SEMA5A: variants seen among roughly 807,000 people sequenced by gnomAD.
SEMA5A encodes semaphorin 5A, also known as semaphorin-5A.
In SEMA5A, 55 loss-of-function variants were observed where a neutral mutation model predicts 135.5. The observed-to-expected ratio is 0.41, with a 90% CI of 0.33 to 0.51. The LOEUF (loss-of-function observed/expected upper bound fraction) is 0.51. SEMA5A is among the 20% of genes least tolerant of loss of function. The probability of loss-of-function intolerance (pLI) is 0.37; values close to 1 mark genes in which losing one functional copy is unlikely to be tolerated. For missense variants in SEMA5A, 1,290 were observed against 1,419.9 expected, an observed-to-expected ratio of 0.91 and a Z score of 1.47; for synonymous variants, 580 against 546.5, an observed-to-expected ratio of 1.06 and a Z score of -0.85.
rs560149738 is a variant in SEMA5A, at chr5:9,241,677, G to A, written c.271-3787C>T. 3.9e-5 allele frequency among the ~76,000 whole-genome samples: 6 copies of A among 152,040 alleles called. No individual in the cohort carries two copies. The South Asian group carries it at 8.3e-4, about 21-fold the overall frequency. On this transcript the variant is annotated intron_variant, in intron 5 of 22. Coordinates refer to ENST00000382496, the MANE Select transcript of SEMA5A (RefSeq NM_003966.3). Reference sequence around the variant, plus strand: ...TTCAAGGTACAGCATCCATTGGACCGTGTTGCACACAGACATACTACGGTT... The same window carrying A: ...TTCAAGGTACAGCATCCATTGGACCATGTTGCACACAGACATACTACGGTT...
chr5:9,191,796 G>A (rs116622733), intron 10 of SEMA5A, among the ~76,000 whole-genome samples: 1,766 of 151,974 alleles, frequency 0.012, 40 homozygotes, highest in African/African-American at 0.041. Flanking sequence ...CACAGGCAAG[G>A]ACTGTGTGAG....
intron 21 of SEMA5A, among the ~76,000 whole-genome samples, chr5:9,045,544 T>C (rs1234683010): frequency 6.6e-6 from 1 of 152,216 alleles, no homozygotes; most frequent in Non-Finnish European, 1.5e-5. Flanking sequence ...GTAACTATTA[T>C]AAGCACTTTC....
At chr5:9,339,218 T>C (rs1176135939) in intron 3 of SEMA5A, among the ~76,000 whole-genome samples, 1 of 152,184 alleles carries the variant, frequency 6.6e-6, no homozygotes, top group Non-Finnish European at 1.5e-5. Flanking sequence ...AAACAGGGTG[T>C]CTATCAATGC....
chr5:9,182,026 C>G (rs1486401435), intron 11 of SEMA5A, among the ~76,000 whole-genome samples: 1 of 152,116 alleles, frequency 6.6e-6, no homozygotes, highest in Non-Finnish European at 1.5e-5. Flanking sequence ...TTTAATGGAC[C>G]TGTTTCTCTC....
At chr5:9,163,077 A>T (rs934166689) in intron 11 of SEMA5A, among the ~76,000 whole-genome samples, 23 of 152,176 alleles carry the variant, frequency 1.5e-4, no homozygotes, top group Admixed American at 1.4e-3. Flanking sequence ...GAAAAGATGC[A>T]GCTGTGATGT....
chr5:9,080,737 T>G (rs1738333292), intron 16 of SEMA5A, among the ~76,000 whole-genome samples: 1 of 152,124 alleles, frequency 6.6e-6, no homozygotes, highest in Non-Finnish European at 1.5e-5. Context: ...CAGTCCTGCT[T>G]AGAGCCTTCA....
chr5:9,514,048 A>T (rs1736368578), intron 1 of SEMA5A, among the ~76,000 whole-genome samples: 1 of 152,170 alleles, frequency 6.6e-6, no homozygotes, highest in Non-Finnish European at 1.5e-5. Flanking sequence ...TGGAGGCTAT[A>T]GAGGAGAATC....
At chr5:9,226,456 T>G (rs894268815) in intron 7 of SEMA5A, among the ~76,000 whole-genome samples, 5 of 152,180 alleles carry the variant, frequency 3.3e-5, no homozygotes, top group Admixed American at 3.3e-4. Flanking sequence ...TTATCCAATT[T>G]GTAGGCTAAT....
At chr5:9,320,821 G>A (rs1040176727) in intron 4 of SEMA5A, among the ~76,000 whole-genome samples, 13 of 152,144 alleles carry the variant, frequency 8.5e-5, no homozygotes, top group South Asian at 2.1e-4. Flanking sequence ...AGGGTGACTC[G>A]CATTTCAACA....
chr5:9,508,290 C>T (rs1165718688), intron 1 of SEMA5A, among the ~76,000 whole-genome samples: 1 of 152,140 alleles, frequency 6.6e-6, no homozygotes, highest in Admixed American at 6.5e-5. Flanking sequence ...AAGCCCCCAC[C>T]ACCACCGCAT....
intron 3 of SEMA5A, among the ~76,000 whole-genome samples, chr5:9,348,446 C>T (rs1753972304): frequency 6.6e-6 from 1 of 152,158 alleles, no homozygotes; most frequent in African/African-American, 2.4e-5. Flanking sequence ...CTTTGTCCTT[C>T]AGGCTATGAA....
At chr5:9,108,310 A>G in intron 15 of SEMA5A, 23 bp from the exon 16 acceptor site, 1 of 1,612,272 alleles carries the variant, frequency 6.2e-7, no homozygotes, top group Non-Finnish European at 8.5e-7. Flanking sequence ...AACCAAAATG[A>G]CAAGGAAACT....
chr5:9,479,612 G>A (rs886905104), intron 1 of SEMA5A, among the ~76,000 whole-genome samples: 3 of 152,194 alleles, frequency 2.0e-5, no homozygotes, highest in Non-Finnish European at 4.4e-5. Context: ...ATCCAGAAAC[G>A]GAAGTGGTTA....
intron 16 of SEMA5A, among the ~76,000 whole-genome samples, chr5:9,088,653 T>TAG (rs1738853060): frequency 9.0e-6 from 1 of 111,386 alleles, no homozygotes. Flanking sequence ...TATATATATA[T>TAG]ATATATACAC....
chr5:9,190,151 C>G, intron 11 of SEMA5A, 116 bp downstream of exon 11: 1 of 1,116,170 alleles, frequency 9.0e-7, no homozygotes. Context: ...TTGCTGGTTG[C>G]AAAAAGAGAC....
intron 16 of SEMA5A, among the ~76,000 whole-genome samples, chr5:9,079,911 G>A (rs1359362753): frequency 6.6e-6 from 1 of 152,228 alleles, no homozygotes; most frequent in African/African-American, 2.4e-5. Context: ...ATGCTAGAGA[G>A]GATGTGGAGA....
intron 5 of SEMA5A, among the ~76,000 whole-genome samples, chr5:9,256,742 G>C (rs141446252): frequency 6.6e-6 from 1 of 152,178 alleles, no homozygotes; most frequent in African/African-American, 2.4e-5. Flanking sequence ...GATTAAATAT[G>C]TGCTGAAGGA....
Position 9,108,291 on chromosome 5 carries a change from T to A in SEMA5A, c.1926-4A>T. The A allele has an allele frequency of 6.2e-7, 1 of 1,613,666 alleles. No homozygotes were observed. The highest frequency in any genetic ancestry group is 8.5e-7 in the Non-Finnish European group (1 of 1,179,814). ...TAGCAAATGTTCATTGCAGTATCTG[T>A]AATGAGGAAACCAAAATGACAAGGA... On this transcript the variant is annotated splice_polypyrimidine_tract_variant and splice_region_variant and intron_variant, in intron 15 of 22. Coordinates refer to ENST00000382496, the MANE Select transcript of SEMA5A (RefSeq NM_003966.3).
At chr5:9,318,929 T>G (rs1752507160) in intron 4 of SEMA5A, among the ~76,000 whole-genome samples, 1 of 152,192 alleles carries the variant, frequency 6.6e-6, no homozygotes, top group South Asian at 2.1e-4. Flanking sequence ...CCCGGCATGG[T>G]GGTTCACACC....
Sources: gnomAD v4.1 joint callset for allele counts (sites outside exome capture counted in the v4.1 genomes callset) on GRCh38, gnomAD v4.1.1 for gene constraint, MANE v1.5 for transcripts, NCBI Gene and HGNC (gene_info 2026-07-23, HGNC 2026-07-21) for gene names.